KRTAP4-6: variants seen among roughly 807,000 people sequenced by gnomAD.
KRTAP4-6 encodes the protein keratin-associated protein 4-6.
In KRTAP4-6, 1 loss-of-function variant was observed where a neutral mutation model predicts 3.6. That is an observed-to-expected ratio of 0.28 (90% CI 0.10 to 1.32). The LOEUF (loss-of-function observed/expected upper bound fraction) is 1.32. Among genes scored for constraint, KRTAP4-6 ranks in the 40% most tolerant of loss-of-function variants. The pLI is 0.45. For missense variants in KRTAP4-6, 275 were observed against 280.3 expected (o/e 0.98, Z 0.14); for synonymous variants, 97 against 96.7 (o/e 1.00, Z -0.02).
At chr17:41,139,516 G>A in exon 1 of KRTAP4-6, 1 of 340,732 alleles carries the variant, frequency 2.9e-6, no homozygotes, top group Non-Finnish European at 5.3e-6. Context: ...GAAATACAGG[G>A]TGAAACAATC....
chr17:41,140,419 G>T lies in KRTAP4-6; in HGVS notation c.69C>A (p.Pro23=), dbSNP rs778477191. Reference sequence around the variant, plus strand: ...TGCAGCAGGTGGTCTGACAGCAGCTGGGGCGGCAGCAGGTCTCCAGGCCAC... The same window carrying T: ...TGCAGCAGGTGGTCTGACAGCAGCTTGGGCGGCAGCAGGTCTCCAGGCCAC... Residue 23 remains proline, a synonymous_variant, in exon 1 of 1, where the codon CCC becomes CCA. Coordinates refer to ENST00000345847, the Ensembl canonical transcript of KRTAP4-6. 3 of 1,613,924 alleles carry T rather than the reference G, an allele frequency of 1.9e-6. No individual in the cohort carries two copies. The Admixed American group carries it at 5.0e-5, about 27-fold the overall frequency.
chr17:41,140,039 C>T, exon 1 of KRTAP4-6: 1 of 1,607,024 alleles, frequency 6.2e-7, no homozygotes, highest in Non-Finnish European at 8.5e-7. Context: ...AGAGGGGCGG[C>T]AGCAGCTGGA....
exon 1 of KRTAP4-6, chr17:41,139,883 G>A (rs28405099): frequency 0.017 from 27,003 of 1,587,026 alleles, 284 homozygotes; most frequent in Non-Finnish European, 0.021. Flanking sequence ...GCAGCAAGAG[G>A]AGGCACAGCA....
exon 1 of KRTAP4-6, chr17:41,140,139 G>A: frequency 1.4e-6 from 2 of 1,450,290 alleles, no homozygotes; most frequent in Non-Finnish European, 1.9e-6. Flanking sequence ...CAGCAGCTGG[G>A]GCGACAGCAG....
chr17:41,139,803 G>A, exon 1 of KRTAP4-6: 2 of 1,520,384 alleles, frequency 1.3e-6, no homozygotes, highest in African/African-American at 1.4e-5. Flanking sequence ...AGTTGTTTAT[G>A]AGATGCACAA....
upstream of KRTAP4-6, chr17:41,140,526 G>C (rs757097974): frequency 2.5e-6 from 4 of 1,575,594 alleles, no homozygotes; most frequent in East Asian, 6.8e-5. Flanking sequence ...GTTTCCAAGA[G>C]AGTGAGTTTC....
Position 41,139,904 on chromosome 17 carries a change from G to T in KRTAP4-6, c.584C>A (p.Pro195His). The T allele has an allele frequency of 1.9e-6, 3 of 1,597,178 alleles. No homozygotes were observed. The African/African-American group carries it at 4.0e-5, about 21-fold the overall frequency. The change falls in exon 1 of 1, where the codon CCC (proline) becomes CAC (histidine). Residue 195 changes from proline to histidine, a missense_variant. Physicochemically the swap from Pro to His is moderately conservative, Grantham distance 77. Coordinates refer to ENST00000345847, the Ensembl canonical transcript of KRTAP4-6. The stretch of plus-strand genomic sequence containing the variant: ...AGAGGAGGCACAGCACAAGGGACGG[G>T]GGCAGGTGGAAATGACACAGGTTGG...
chr17:41,140,141 C>G, exon 1 of KRTAP4-6: 1 of 1,449,284 alleles, frequency 6.9e-7, no homozygotes, highest in Non-Finnish European at 9.3e-7. Context: ...GCAGCTGGGG[C>G]GACAGCAGCT....
chr17:41,140,073 A>T (rs1228592241), exon 1 of KRTAP4-6: 1 of 1,555,496 alleles, frequency 6.4e-7, no homozygotes, highest in Admixed American at 1.8e-5. Context: ...GGACGGCAGC[A>T]GGTTGGCTGG....
chr17:41,139,572 T>G lies in KRTAP4-6; in HGVS notation c.*298A>C, dbSNP rs989926754. 1.2e-5 allele frequency: 6 copies of G among 481,064 alleles called. No homozygotes were observed. The South Asian group carries it at 1.9e-4, about 16-fold the overall frequency. The allele number at this position is 481,064 out of a possible 1,614,324, so 29.8% of individuals were successfully genotyped here. ...GAGACAACCTTGCCCCGAGTTACCCTGCAAGAATTTCCATGTTTGGGACAG... is the reference window on the plus strand; with the variant it reads ...GAGACAACCTTGCCCCGAGTTACCCGGCAAGAATTTCCATGTTTGGGACAG... On this transcript the variant is annotated 3_prime_UTR_variant, in exon 1 of 1. Transcript: ENST00000345847.
At chr17:41,139,749 T>C in exon 1 of KRTAP4-6, 1 of 1,368,132 alleles carries the variant, frequency 7.3e-7, no homozygotes. Flanking sequence ...CCTAGATATA[T>C]GTCCAGGATA....
exon 1 of KRTAP4-6, chr17:41,140,231 A>G: frequency 6.3e-7 from 1 of 1,592,632 alleles, no homozygotes; most frequent in East Asian, 2.2e-5. Context: ...GCAGCTGGAT[A>G]CACAGCAGCT....
At chr17:41,139,967 A>T (rs2014667861) in exon 1 of KRTAP4-6, 2 of 1,609,932 alleles carry the variant, frequency 1.2e-6, no homozygotes, top group Middle Eastern at 3.3e-4. Context: ...TCGGCCACAG[A>T]CTGGACGCAG....
exon 1 of KRTAP4-6, chr17:41,139,853 A>G (rs1429839398): frequency 1.3e-6 from 2 of 1,560,802 alleles, no homozygotes; most frequent in Non-Finnish European, 8.7e-7. Context: ...GGGAGGAGAT[A>G]GTTTCAGGCA....
upstream of KRTAP4-6, chr17:41,140,531 A>C: frequency 1.3e-6 from 2 of 1,566,784 alleles, no homozygotes; most frequent in South Asian, 2.4e-5. Flanking sequence ...CAAGAGAGTG[A>C]GTTTCGTGAG....
chr17:41,139,776 G>T, exon 1 of KRTAP4-6: 1 of 1,480,188 alleles, frequency 6.8e-7, no homozygotes, highest in Non-Finnish European at 9.1e-7. Context: ...CACAGTTGGT[G>T]GGAATGGCCT....
At position 41,140,304 on chromosome 17, in the gene KRTAP4-6, G is replaced by T. The variant is rs567238473; in HGVS notation, c.184C>A (p.Arg62Ser). The T allele has an allele frequency of 6.2e-7, 1 of 1,603,770 alleles. No individual in the cohort carries two copies. The highest frequency in any genetic ancestry group is 1.4e-5 in the African/African-American group (1 of 70,890). Residue 62 changes from arginine to serine, a missense_variant, in exon 1 of 1, where the codon CGT becomes AGT. Coordinates refer to ENST00000345847, the Ensembl canonical transcript of KRTAP4-6. ...CAGCAGCTGGGACAGCAGCTGGGAC[G>T]GCAGCAGGTGGGCTGGCAGCACACA...
chr17:41,139,961 C>A, exon 1 of KRTAP4-6: 1 of 1,608,938 alleles, frequency 6.2e-7, no homozygotes, highest in Non-Finnish European at 8.5e-7. Context: ...GGAGACTCGG[C>A]CACAGACTGG....
exon 1 of KRTAP4-6, chr17:41,140,064 G>C: frequency 6.2e-7 from 1 of 1,602,482 alleles, no homozygotes; most frequent in Non-Finnish European, 8.5e-7. Context: ...CAGCAGCTGG[G>C]ACGGCAGCAG....
Sources: gnomAD v4.1 joint callset for allele counts on GRCh38, gnomAD v4.1.1 for gene constraint, MANE v1.5 for transcripts, NCBI Gene and HGNC (gene_info 2026-07-23, HGNC 2026-07-21) for gene names.